The following ZNF638 variants were observed in gnomAD, a reference collection of about 807,000 sequenced individuals.
ZNF638 encodes CTCL tumor antigen se33-1.
ZNF638 carries 46 observed loss-of-function variants against 195.6 expected under a neutral mutation model. The ratio of observed to expected loss-of-function variants is 0.24; its 90% CI spans 0.19 to 0.30. The LOEUF (loss-of-function observed/expected upper bound fraction) is 0.30. ZNF638 is among the 10% of genes least tolerant of loss of function. The pLI is 1.00. For missense variants in ZNF638, 2,440 were observed against 2,325.3 expected (o/e 1.05, Z -1.01); for synonymous variants, 845 against 772.0 (o/e 1.09, Z -1.57).
intron 1 of ZNF638, among the ~76,000 whole-genome samples, chr2:71,340,718 T>C (rs1438228003): frequency 6.6e-6 from 1 of 152,174 alleles, no homozygotes; most frequent in Non-Finnish European, 1.5e-5. Flanking sequence ...TGTATTGCTT[T>C]TTTATGATTA....
At chr2:71,371,635 T>G (rs2079315307) in intron 8 of ZNF638, among the ~76,000 whole-genome samples, 1 of 152,204 alleles carries the variant, frequency 6.6e-6, no homozygotes, top group South Asian at 2.1e-4. Context: ...TTTTTGCCAT[T>G]TATGTGTTGT....
chr2:71,356,897 T>C (rs1282286508), intron 3 of ZNF638, among the ~76,000 whole-genome samples: 1 of 152,176 alleles, frequency 6.6e-6, no homozygotes, highest in Non-Finnish European at 1.5e-5. Context: ...TATTGGATGC[T>C]CAAATAAAAA....
intron 10 of ZNF638, chr2:71,393,675 T>C (rs1159933396): frequency 7.0e-6 from 5 of 713,796 alleles, no homozygotes; most frequent in Non-Finnish European, 1.3e-5. Flanking sequence ...GGATCCTTTT[T>C]ATGCTCTCGC....
intron 5 of ZNF638, 32 bp downstream of exon 5, chr2:71,364,284 C>T: frequency 6.5e-7 from 1 of 1,549,292 alleles, no homozygotes; most frequent in Non-Finnish European, 8.7e-7. Context: ...AGTGAATGTA[C>T]TTATTTTGAC....
At chr2:71,388,648 G>C (rs1425152886) in intron 10 of ZNF638, 1 of 875,420 alleles carries the variant, frequency 1.1e-6, no homozygotes, top group African/African-American at 1.6e-5. Flanking sequence ...CTCAGCAGCT[G>C]GTGCCCCTCG....
intron 11 of ZNF638, among the ~76,000 whole-genome samples, chr2:71,396,410 T>C (rs1407697640): frequency 6.6e-6 from 1 of 152,220 alleles, no homozygotes; most frequent in Non-Finnish European, 1.5e-5. Context: ...AAATTTCTTA[T>C]GATGAGTATC....
chr2:71,341,459 AC>A (rs948698837), intron 1 of ZNF638, among the ~76,000 whole-genome samples: 2 of 150,510 alleles, frequency 1.3e-5, no homozygotes, highest in Admixed American at 6.6e-5. Flanking sequence ...AATATACCCC[AC>A]CCCCCCATCA....
At chr2:71,419,425 T>G (rs10203419) in intron 21 of ZNF638, among the ~76,000 whole-genome samples, 15,249 of 152,306 alleles carry the variant, frequency 0.1, 845 homozygotes, top group East Asian at 0.14. Context: ...GTAAAGTGTT[T>G]ATTTTATCTG....
chr2:71,417,479 A>T (rs931986712), intron 20 of ZNF638, among the ~76,000 whole-genome samples: 1 of 152,158 alleles, frequency 6.6e-6, no homozygotes, highest in African/African-American at 2.4e-5. Context: ...AGCTGTTCCT[A>T]TTCGGCCATC....
intron 6 of ZNF638, among the ~76,000 whole-genome samples, chr2:71,367,053 G>A (rs1573057630): frequency 6.6e-6 from 1 of 152,020 alleles, no homozygotes; most frequent in East Asian, 1.9e-4. Context: ...GCTGTTCCCT[G>A]CCCCAAAGAA....
chr2:71,356,802 T>C (rs2079032125), intron 3 of ZNF638, among the ~76,000 whole-genome samples: 1 of 151,982 alleles, frequency 6.6e-6, no homozygotes, highest in African/African-American at 2.4e-5. Context: ...AAATTTTTTT[T>C]TTTTAAGTAA....
In ZNF638 at chr2:71,423,061, T is replaced by G; in HGVS notation, c.3547T>G (p.Ser1183Ala). The G allele has an allele frequency of 6.2e-7, 1 of 1,614,138 alleles. No individual in the cohort carries two copies. Among genetic ancestry groups the G allele is most frequent in the Non-Finnish European group, 8.5e-7 (1 of 1,180,006 alleles). Residue 1183 changes from serine to alanine, a missense_variant, in exon 22 of 28, where the codon TCC becomes GCC. Around this residue, in one of 5 missense-constraint regions of ZNF638, gnomAD observed 1,883 missense variants for 1,739.1 expected, o/e 1.08. Transcript: ENST00000264447. ...CAAAGAAGAAATTCCTCTTGTAGCA[T>G]CCGCTTCAGTCAGTATTGAACAATT... ...EVKEEIPLVASASVSIEQFTE... is the reference protein window; with the variant it reads ...EVKEEIPLVAAASVSIEQFTE...
chr2:71,380,222 A>C lies in ZNF638; in HGVS notation c.2266A>C (p.Asn756His). ...ICVPGKKKAQ[N>H]KEVKKKTLES... ...TGTTCAAAATATTTTTCCTACGTAG[A>C]ACAAAGAGGTGAAGAAAAAGACTTT... The change falls in exon 9 of 28, where the codon AAC becomes CAC. Residue 756 changes from asparagine to histidine, a missense_variant and splice_region_variant. By Grantham distance (68) the Asn-to-His change is moderately conservative. Around this residue, in one of 5 missense-constraint regions of ZNF638, gnomAD observed 1,883 missense variants for 1,739.1 expected, o/e 1.08. Transcript: ENST00000264447. The C allele has an allele frequency of 6.5e-7, 1 of 1,539,568 alleles. No homozygotes were observed. The highest frequency in any genetic ancestry group is 8.7e-7 in the Non-Finnish European group (1 of 1,147,704).
chr2:71,337,145 T>C (rs2078684186), intron 1 of ZNF638, among the ~76,000 whole-genome samples: 1 of 151,968 alleles, frequency 6.6e-6, no homozygotes, highest in Non-Finnish European at 1.5e-5. Flanking sequence ...TAGTTTTTTT[T>C]TTTTTTTTGA....
chr2:71,354,412 G>A (rs1286274937), intron 2 of ZNF638, among the ~76,000 whole-genome samples: 1 of 150,364 alleles, frequency 6.7e-6, no homozygotes, highest in Admixed American at 6.6e-5. Flanking sequence ...TTTTAGGACA[G>A]ATTTATTTGT....
intron 3 of ZNF638, among the ~76,000 whole-genome samples, chr2:71,362,690 G>C (rs2079129745): frequency 6.6e-6 from 1 of 152,100 alleles, no homozygotes; most frequent in African/African-American, 2.4e-5. Context: ...AGGGCTACTT[G>C]AAAAGCAACC....
At chr2:71,339,169 A>AG (rs57100454) in intron 1 of ZNF638, among the ~76,000 whole-genome samples, 1 of 31,698 alleles carries the variant, frequency 3.2e-5, no homozygotes, top group Non-Finnish European at 6.3e-5. Context: ...TTTTTTTTTT[A>AG]TTGAGACGGA....
At chr2:71,379,910 A>G (rs951612992) in intron 8 of ZNF638, 11 of 165,816 alleles carry the variant, frequency 6.6e-5, no homozygotes, top group East Asian at 1.6e-4. Context: ...TATAAATTAA[A>G]CTTTCATGTA....
chr2:71,349,159 A>G lies in ZNF638; in HGVS notation c.205A>G (p.Met69Val). ...ESYQNMGPQR[M>V]NVQVTQHRTD... ...TTATCAGAACATGGGGCCACAGAGAATGAATGTTCAGGTAACTCAACACAG... is the reference window on the plus strand; with the variant it reads ...TTATCAGAACATGGGGCCACAGAGAGTGAATGTTCAGGTAACTCAACACAG... The change falls in exon 2 of 28, where the codon ATG becomes GTG. Residue 69 changes from methionine (M) to valine (V), a missense_variant. Around this residue, in one of 5 missense-constraint regions of ZNF638, gnomAD observed 191 missense variants for 173.8 expected, o/e 1.10. Coordinates refer to ENST00000264447, the MANE Select transcript of ZNF638 (RefSeq NM_014497.5). The G allele has an allele frequency of 1.9e-6, 3 of 1,614,244 alleles. No homozygotes were observed. The highest frequency in any genetic ancestry group is 2.5e-6 in the Non-Finnish European group (3 of 1,180,046).
Sources: gnomAD v4.1 joint callset for allele counts (sites outside exome capture counted in the v4.1 genomes callset) on GRCh38, gnomAD v4.1.1 for gene constraint, gnomAD v4.1.1 regional missense constraint, MANE v1.5 for transcripts, NCBI Gene and HGNC (gene_info 2026-07-23, HGNC 2026-07-21) for gene names.